ZNF423: variants seen among roughly 807,000 people sequenced by gnomAD.
ZNF423 encodes the protein Ebf-associated zinc finger protein.
In ZNF423, 12 loss-of-function variants were observed where a neutral mutation model predicts 95.8. That is an observed-to-expected ratio of 0.13 (90% CI 0.08 to 0.20). ZNF423 has a LOEUF of 0.20. Ranked by LOEUF, ZNF423 falls within the 10% of genes least tolerant of loss-of-function variation. The pLI, the probability that ZNF423 is intolerant of heterozygous loss-of-function variation, is 1.00. For synonymous variants in ZNF423, 749 were observed against 711.9 expected (o/e 1.05, Z -0.83); for missense variants, 1,316 against 1,737.1 (o/e 0.76, Z 4.31).
At chr16:49,790,069 C>T (rs2143827034) in intron 1 of ZNF423, among the ~76,000 whole-genome samples, 1 of 152,326 alleles carries the variant, frequency 6.6e-6, no homozygotes, top group Non-Finnish European at 1.5e-5. Context: ...CACCATCCCA[C>T]ACCCCAGGAC....
intron 5 of ZNF423, among the ~76,000 whole-genome samples, chr16:49,592,205 G>T (rs966153442): frequency 1.3e-5 from 2 of 152,202 alleles, no homozygotes; most frequent in African/African-American, 4.8e-5. Flanking sequence ...ACACAGAATT[G>T]GGAAAGGTAA....
chr16:49,585,369 C>A (rs1970796568), intron 5 of ZNF423, among the ~76,000 whole-genome samples: 1 of 152,206 alleles, frequency 6.6e-6, no homozygotes, highest in South Asian at 2.1e-4. Flanking sequence ...AAGGTCCCCT[C>A]AAGTCCCACA....
intron 2 of ZNF423, among the ~76,000 whole-genome samples, chr16:49,742,428 T>A (rs1231963167): frequency 1.3e-5 from 2 of 152,092 alleles, no homozygotes; most frequent in South Asian, 2.1e-4. Flanking sequence ...CAGCAAGTAG[T>A]TAATGGTGTC....
intron 3 of ZNF423, among the ~76,000 whole-genome samples, chr16:49,659,674 T>C (rs897112288): frequency 1.3e-5 from 2 of 152,174 alleles, no homozygotes; most frequent in African/African-American, 4.8e-5. Flanking sequence ...GAGAAACTGA[T>C]GGAGAGCGAT....
intron 3 of ZNF423, among the ~76,000 whole-genome samples, chr16:49,684,158 A>T (rs1029071357): frequency 6.6e-5 from 10 of 152,224 alleles, no homozygotes; most frequent in African/African-American, 2.4e-4. Context: ...GGGCAAAAAA[A>T]GCAGAATATA....
At chr16:49,814,850 C>T (rs1597034162) in intron 1 of ZNF423, among the ~76,000 whole-genome samples, 2 of 152,246 alleles carry the variant, frequency 1.3e-5, no homozygotes, top group Non-Finnish European at 2.9e-5. Flanking sequence ...GTGGCATCCC[C>T]CACCCCAGGA....
intron 3 of ZNF423, among the ~76,000 whole-genome samples, chr16:49,674,645 G>C (rs1480128034): frequency 2.0e-5 from 3 of 152,194 alleles, no homozygotes; most frequent in Non-Finnish European, 4.4e-5. Flanking sequence ...GGTGGGGTGG[G>C]ACAAAGTGAA....
intron 2 of ZNF423, among the ~76,000 whole-genome samples, chr16:49,787,199 A>T (rs2160285): frequency 6.6e-6 from 1 of 152,006 alleles, no homozygotes; most frequent in Non-Finnish European, 1.5e-5. Flanking sequence ...TCACACGCCC[A>T]GTGCTCAGGG....
intron 1 of ZNF423, among the ~76,000 whole-genome samples, chr16:49,849,943 G>C (rs1333904704): frequency 6.6e-6 from 1 of 152,090 alleles, no homozygotes; most frequent in Non-Finnish European, 1.5e-5. Flanking sequence ...GCTTTCAAAG[G>C]GATATTACCA....
intron 5 of ZNF423, among the ~76,000 whole-genome samples, chr16:49,550,871 A>G (rs1969606769): frequency 1.3e-5 from 2 of 152,334 alleles, no homozygotes; most frequent in South Asian, 4.1e-4. Flanking sequence ...ACACACAGAG[A>G]AGGCGAGGCA....
intron 2 of ZNF423, among the ~76,000 whole-genome samples, chr16:49,747,224 T>C (rs767105360): frequency 3.9e-5 from 6 of 152,168 alleles, no homozygotes; most frequent in Non-Finnish European, 7.3e-5. Flanking sequence ...AGATAGATTG[T>C]GGTACATTTA....
intron 5 of ZNF423, among the ~76,000 whole-genome samples, chr16:49,567,750 C>T (rs1970237560): frequency 6.6e-6 from 1 of 152,198 alleles, no homozygotes; most frequent in South Asian, 2.1e-4. Flanking sequence ...GTGGCCTCCA[C>T]CAGGTGTGGC....
At chr16:49,755,917 C>T (rs911218567) in intron 2 of ZNF423, among the ~76,000 whole-genome samples, 2 of 152,090 alleles carry the variant, frequency 1.3e-5, no homozygotes, top group Non-Finnish European at 2.9e-5. Flanking sequence ...GCTAGGGACC[C>T]GGTGGAGTCA....
At position 49,609,572 on chromosome 16, in the gene ZNF423, A is replaced by G. The variant is rs1971653669; in HGVS notation, c.3601+16598T>C. On this transcript the variant is annotated intron_variant, in intron 5 of 7. Coordinates refer to ENST00000563137, the MANE Select transcript of ZNF423 (RefSeq NM_001379286.1). ...GAGGCACTAAATGGAAATTTTAGAA[A>G]TGGATAAAGGAGAAAATCTTAAAAC... 3.3e-5 allele frequency among the ~76,000 whole-genome samples: 5 copies of G among 152,214 alleles called. No individual in the cohort carries two copies. The South Asian group carries it at 1.0e-3, about 32-fold the overall frequency.
intron 1 of ZNF423, among the ~76,000 whole-genome samples, chr16:49,793,913 A>T (rs2034455895): frequency 6.6e-6 from 1 of 152,198 alleles, no homozygotes; most frequent in African/African-American, 2.4e-5. Context: ...CCCTCTGCAC[A>T]CTGGGAGGGG....
chr16:49,650,202 G>T (rs2151902819), intron 3 of ZNF423, among the ~76,000 whole-genome samples: 1 of 152,304 alleles, frequency 6.6e-6, no homozygotes, highest in Admixed American at 6.5e-5. Flanking sequence ...AGCTTAGGCT[G>T]CTAAGCTTGA....
At chr16:49,780,095 T>C (rs1417785986) in intron 2 of ZNF423, among the ~76,000 whole-genome samples, 1 of 151,840 alleles carries the variant, frequency 6.6e-6, no homozygotes, top group Admixed American at 6.6e-5. Context: ...TCAGCCAGGG[T>C]AGAGGTACAG....
intron 3 of ZNF423, among the ~76,000 whole-genome samples, chr16:49,703,402 C>G (rs983964334): frequency 1.3e-5 from 2 of 152,150 alleles, no homozygotes; most frequent in African/African-American, 4.8e-5. Flanking sequence ...TGGGGGTTTC[C>G]CAGGGCAGGG....
intron 1 of ZNF423, among the ~76,000 whole-genome samples, chr16:49,838,960 T>G (rs67903834): frequency 6.6e-6 from 1 of 151,230 alleles, no homozygotes; most frequent in Non-Finnish European, 1.5e-5. Flanking sequence ...CGGGAGGGGC[T>G]GCGTTCCCAA....
Sources: allele counts gnomAD v4.1 joint callset (sites outside exome capture counted in the v4.1 genomes callset), GRCh38; gene constraint gnomAD v4.1.1; transcripts MANE v1.5; gene names NCBI Gene and HGNC (gene_info 2026-07-23, HGNC 2026-07-21).